The following CHD8 variants were observed in gnomAD, a reference collection of about 807,000 sequenced individuals.
CHD8 encodes the protein ATP-dependent chromatin remodeler CHD8.
Under a neutral mutation model 279.2 loss-of-function variants are expected in CHD8, and 31 were observed. The observed-to-expected ratio is 0.11, with a 90% CI of 0.08 to 0.15. The LOEUF is 0.15. Among genes scored for constraint, CHD8 ranks in the 10% least tolerant of loss-of-function variants. The probability of loss-of-function intolerance (pLI) is 1.00; values close to 1 mark genes in which losing one functional copy is unlikely to be tolerated. For synonymous variants in CHD8, 1,081 were observed against 1,139.6 expected, an observed-to-expected ratio of 0.95 and a Z score of 1.04; for missense variants, 2,146 against 3,230.5, an observed-to-expected ratio of 0.66 and a Z score of 8.14.
rs547725025 is a variant in CHD8 at position 21,402,732 on chromosome 14, G to A, written c.3715-229C>T. Among the ~76,000 whole-genome samples the A allele has an allele frequency of 1.3e-4, 20 of 152,274 alleles. No homozygotes were observed. In the South Asian group the frequency reaches 3.1e-3, roughly 24 times the overall value. Reference sequence around the variant, plus strand: ...GTTTTTAAAAATAAAGTTCAATGGGGACACAGGTGGGACCACCCACTCATT... The same window carrying A: ...GTTTTTAAAAATAAAGTTCAATGGGAACACAGGTGGGACCACCCACTCATT... On this transcript the variant is annotated intron_variant, in intron 18 of 37. Transcript: ENST00000646647. The surrounding 1 kb of genome is among the most constrained non-coding windows in gnomAD (Gnocchi z 4.5).
At position 21,391,503 on chromosome 14, in the gene CHD8, T is replaced by C; in HGVS notation, c.7025A>G (p.Gln2342Arg). Residue 2342 changes from glutamine (Q) to arginine (R), a missense_variant, in exon 36 of 38, where the codon CAG (glutamine) becomes CGG (arginine). This residue lies in a region of CHD8 where 336 missense variants were observed against 392.9 expected (regional missense o/e 0.86). Transcript: ENST00000646647. ...PRRAELEMWL[Q>R]GHPEFAVDPR... is the part of the protein sequence containing the mutation. ...ATCAACAGCAAACTCTGGATGACCCTGTAACCACATCTCCAGTTCAGCCCG... is the reference window on the plus strand; with the variant it reads ...ATCAACAGCAAACTCTGGATGACCCCGTAACCACATCTCCAGTTCAGCCCG... 6.2e-7 allele frequency: 1 copy of C among 1,613,930 alleles called. No individual in the cohort carries two copies. The highest frequency in any genetic ancestry group is 8.5e-7 in the Non-Finnish European group (1 of 1,179,854).
intron 37 of CHD8, 81 bp downstream of exon 37, chr14:21,390,866 A>G (rs1887502269): frequency 1.4e-6 from 1 of 729,632 alleles, no homozygotes; most frequent in Admixed American, 2.3e-5. Flanking sequence ...GATAAATAAC[A>G]TTAGTCACAA....
At position 21,407,101 on chromosome 14, in the gene CHD8, C is replaced by T. The variant is rs976592688; in HGVS notation, c.2731-69G>A. On this transcript the variant is annotated intron_variant, in intron 13 of 37. Transcript: ENST00000646647. ...CTAAATGAGGAGCTTTTCTGAATTACTTGCCTATATTAAGGCATGTTTAAT... is the reference window on the plus strand; with the variant it reads ...CTAAATGAGGAGCTTTTCTGAATTATTTGCCTATATTAAGGCATGTTTAAT... The T allele has an allele frequency of 2.5e-5, 33 of 1,323,392 alleles. No homozygotes were observed. The African/African-American group carries it at 4.3e-4, about 17-fold the overall frequency. The allele number at this position is 1,323,392 out of a possible 1,614,324, so 82.0% of individuals were successfully genotyped here.
intron 11 of CHD8, among the ~76,000 whole-genome samples, 194 bp from the exon 12 acceptor site, chr14:21,409,019 C>T (rs1030583995): frequency 6.6e-6 from 1 of 152,138 alleles, no homozygotes; most frequent in African/African-American, 2.4e-5. Context: ...GACAACATCA[C>T]AAAACACAAC....
chr14:21,453,976 A>C (rs1890317326), intron 1 of CHD8, among the ~76,000 whole-genome samples: 1 of 151,358 alleles, frequency 6.6e-6, no homozygotes, highest in South Asian at 2.1e-4. Context: ...CAATATGGTG[A>C]AACCCCGTCT....
intron 1 of CHD8, chr14:21,437,408 G>C (rs1328676502): frequency 6.2e-6 from 2 of 321,436 alleles, no homozygotes; most frequent in South Asian, 1.2e-4. Context: ...GTTAGGTTGA[G>C]AGCGCACGGA....
intron 37 of CHD8, among the ~76,000 whole-genome samples, chr14:21,387,809 C>CAAAAAAA (rs34063784): frequency 5.3e-5 from 4 of 76,138 alleles, no homozygotes; most frequent in African/African-American, 1.4e-4. Context: ...CTGTCTCAAG[C>CAAAAAAA]AAAAAAAAAA....
At chr14:21,406,393 C>G (rs1166048893) in intron 14 of CHD8, among the ~76,000 whole-genome samples, 1 of 152,194 alleles carries the variant, frequency 6.6e-6, no homozygotes, top group Non-Finnish European at 1.5e-5. Context: ...TGCCCTGAGA[C>G]TACCACACAA....
chr14:21,449,424 C>T (rs1245941226), intron 1 of CHD8, among the ~76,000 whole-genome samples: 1 of 152,206 alleles, frequency 6.6e-6, no homozygotes, highest in African/African-American at 2.4e-5. Flanking sequence ...TATCTTAAAA[C>T]AGTACCACTG....
chr14:21,418,435 A>G (rs1205280252), intron 5 of CHD8, among the ~76,000 whole-genome samples: 1 of 152,102 alleles, frequency 6.6e-6, no homozygotes, highest in East Asian at 1.9e-4. Flanking sequence ...CATGAGGATC[A>G]CTTGAATGCA....
At position 21,431,058 on chromosome 14, in the gene CHD8, T is replaced by G. The variant is rs1662456759; in HGVS notation, c.586A>C (p.Asn196His). 6.3e-7 allele frequency: 1 copy of G among 1,599,200 alleles called. No homozygotes were observed. The highest frequency in any genetic ancestry group is 1.3e-5 in the African/African-American group (1 of 74,930). ...TTGGTAAAAGTGACTTTTCCACCAT[T>G]GGCTGTGCCTGCCACCAGGGGCTGA... Reference protein sequence around the residue: ...TAQPLVAGTANGGKVTFTKVL... With the variant: ...TAQPLVAGTAHGGKVTFTKVL... Residue 196 changes from asparagine (N) to histidine (H), a missense_variant, in exon 2 of 38, where the codon AAT (asparagine) becomes CAT (histidine). Coordinates refer to ENST00000646647, the MANE Select transcript of CHD8 (RefSeq NM_001170629.2).
rs200588172 is a variant in CHD8 at position 21,393,846 on chromosome 14, T to C, written c.5949A>G (p.Pro1983=). 1.4e-5 allele frequency: 22 copies of C among 1,613,750 alleles called. No homozygotes were observed. The highest frequency in any genetic ancestry group is 1.9e-5 in the Non-Finnish European group (22 of 1,179,864). ...PAPSLSRCST[P]LLHQQYTSRT... ...GTGAGGTATACTGCTGGTGCAGCAG[T>C]GGAGTAGAGCAGCGTGACAAGGATG... The change falls in exon 32 of 38, where the codon CCA becomes CCG. Residue 1983 remains proline, a synonymous_variant. Coordinates refer to ENST00000646647, the MANE Select transcript of CHD8 (RefSeq NM_001170629.2).
At chr14:21,441,614 C>T (rs772924674) in intron 1 of CHD8, among the ~76,000 whole-genome samples, 31 of 151,968 alleles carry the variant, frequency 2.0e-4, no homozygotes, top group South Asian at 1.0e-3. Context: ...TAGAGCTGGG[C>T]GTGGTGGCTC....
chr14:21,386,293 CA>C (rs1302162887), intron 37 of CHD8, 117 bp from the exon 38 acceptor site: 3 of 951,676 alleles, frequency 3.2e-6, no homozygotes, highest in Non-Finnish European at 4.6e-6. Flanking sequence ...TTAGAAGAGG[CA>C]AAACAAGCAC....
At position 21,399,699 on chromosome 14, in the gene CHD8, A is replaced by C; in HGVS notation, c.4824T>G (p.Ile1608Met). 2 of 1,608,158 alleles carry C rather than the reference A, an allele frequency of 1.2e-6. No homozygotes were observed. Among genetic ancestry groups the C allele is most frequent in the Non-Finnish European group, 1.7e-6 (2 of 1,174,636 alleles). Residue 1608 changes from isoleucine to methionine, a missense_variant, in exon 26 of 38, where the codon ATT (isoleucine) becomes ATG (methionine). This residue lies in a region of CHD8 where 33 missense variants were observed against 34.8 expected (regional missense o/e 0.95). Transcript: ENST00000646647. ...GATCCACTACTGGGAACCATATGTC[A>C]ATCTCACTAAAGGTATAAGAGGGCA... ...KVLGGAIASEIDIWFPVVDQL... is the reference protein window; with the variant it reads ...KVLGGAIASEMDIWFPVVDQL...
rs938827084 is a variant in CHD8 at position 21,399,630 on chromosome 14, C to T, written c.4893G>A (p.Lys1631=). 3 of 1,613,662 alleles carry T rather than the reference C, an allele frequency of 1.9e-6. No individual in the cohort carries two copies. In the Admixed American group the frequency reaches 5.0e-5, roughly 27 times the overall value. The change falls in exon 26 of 38, where the codon AAG becomes AAA. Residue 1631 remains lysine, a synonymous_variant. Coordinates refer to ENST00000646647, the MANE Select transcript of CHD8 (RefSeq NM_001170629.2). ...PTTWWDSEAD[K]SLLIGVFKHG... is the part of the protein sequence containing the mutation. ...GTTTAAAGACTCCAATGAGCAGCGA[C>T]TTGTCAGCCTCACTGTCCCACCAAG...
Position 21,400,144 on chromosome 14 carries a change from T to A in CHD8, c.4727+7A>T. On this transcript the variant is annotated splice_region_variant and intron_variant, in intron 24 of 37. Transcript: ENST00000646647. The surrounding 1 kb of genome is among the most constrained non-coding windows in gnomAD (Gnocchi z 4.2). ...AGGTGGAAAATGTCTGCTAATTCTA[T>A]GCTTACTTGTTACACTGATGTTTCA... The A allele has an allele frequency of 6.2e-7, 1 of 1,613,896 alleles. No homozygotes were observed. The highest frequency in any genetic ancestry group is 8.5e-7 in the Non-Finnish European group (1 of 1,179,798).
At chr14:21,430,052 T>A (rs1338745340) in intron 2 of CHD8, 1 of 153,490 alleles carries the variant, frequency 6.5e-6, no homozygotes, top group Non-Finnish European at 1.5e-5. Context: ...ACAAAATTCC[T>A]TATATTGAAT....
chr14:21,429,886 T>C, intron 2 of CHD8: 1 of 189,326 alleles, frequency 5.3e-6, no homozygotes, highest in South Asian at 1.0e-4. Context: ...CAAGCGATCC[T>C]CTGGCCTCAG....
Sources: gnomAD v4.1 joint callset for allele counts (sites outside exome capture counted in the v4.1 genomes callset) on GRCh38, gnomAD v4.1.1 for gene constraint, gnomAD v4.1.1 regional missense constraint, Gnocchi (gnomAD v3.1) non-coding constraint, MANE v1.5 for transcripts, NCBI Gene and HGNC (gene_info 2026-07-23, HGNC 2026-07-21) for gene names.